Variants in LRRC4C observed in about 807,000 individuals in gnomAD.
LRRC4C encodes leucine-rich repeat-containing protein 4C.
LRRC4C carries 5 observed loss-of-function variants against 33.6 expected under a neutral mutation model. That is an observed-to-expected ratio of 0.15 (90% CI 0.08 to 0.31). The LOEUF (loss-of-function observed/expected upper bound fraction) is 0.31, where lower values mean the gene tolerates loss of function less well. Ranked by LOEUF, LRRC4C falls within the 10% of genes least tolerant of loss-of-function variation. The pLI is 1.00. For synonymous variants in LRRC4C, 329 were observed against 302.0 expected (o/e 1.09, Z -0.93); for missense variants, 560 against 796.7 (o/e 0.70, Z 3.58).
chr11:40,363,215 A>G (rs1179183443), intron 3 of LRRC4C, among the ~76,000 whole-genome samples: 1 of 152,214 alleles, frequency 6.6e-6, no homozygotes, highest in Non-Finnish European at 1.5e-5. Flanking sequence ...ACTATGGAAT[A>G]CTATGCAGCC....
At chr11:40,983,726 A>C (rs945421833) in intron 1 of LRRC4C, among the ~76,000 whole-genome samples, 2 of 152,204 alleles carry the variant, frequency 1.3e-5, no homozygotes, top group Non-Finnish European at 2.9e-5. Flanking sequence ...TATGTGGCTA[A>C]TAAGTGTATG....
At chr11:41,398,650 C>T (rs1953911845) in intron 1 of LRRC4C, among the ~76,000 whole-genome samples, 1 of 151,754 alleles carries the variant, frequency 6.6e-6, no homozygotes, top group Admixed American at 6.6e-5. Flanking sequence ...TTCCTTGTTG[C>T]TATTATTATG....
At chr11:41,092,150 G>A (rs947866704) in intron 1 of LRRC4C, among the ~76,000 whole-genome samples, 1 of 152,010 alleles carries the variant, frequency 6.6e-6, no homozygotes, top group Non-Finnish European at 1.5e-5. Context: ...AGAAATGTTT[G>A]AATATTGCCA....
intron 1 of LRRC4C, among the ~76,000 whole-genome samples, chr11:41,283,244 C>CATT (rs1328102822): frequency 6.6e-6 from 1 of 152,070 alleles, no homozygotes; most frequent in Non-Finnish European, 1.5e-5. Context: ...GAAATATCCG[C>CATT]TTAGAAAATA....
intron 3 of LRRC4C, among the ~76,000 whole-genome samples, chr11:40,497,903 C>T (rs1316336910): frequency 6.6e-6 from 1 of 152,148 alleles, no homozygotes; most frequent in Non-Finnish European, 1.5e-5. Context: ...TAAAAAATCT[C>T]TAAAAAATAA....
intron 5 of LRRC4C, among the ~76,000 whole-genome samples, chr11:40,224,366 A>G (rs929503343): frequency 2.0e-5 from 3 of 152,214 alleles, no homozygotes; most frequent in African/African-American, 7.2e-5. Flanking sequence ...ATCTATCTGT[A>G]TATGCCCCAA....
intron 1 of LRRC4C, among the ~76,000 whole-genome samples, chr11:41,248,361 T>C (rs1457453043): frequency 3.9e-5 from 6 of 152,198 alleles, no homozygotes; most frequent in Admixed American, 2.6e-4. Flanking sequence ...CAAAGGATTC[T>C]TGATGAATCA....
At chr11:41,041,191 G>T (rs1012250339) in intron 1 of LRRC4C, among the ~76,000 whole-genome samples, 3 of 152,052 alleles carry the variant, frequency 2.0e-5, no homozygotes, top group Non-Finnish European at 4.4e-5. Flanking sequence ...TTCCACAACT[G>T]CAAACTATTA....
chr11:41,415,172 A>C (rs745789048), intron 1 of LRRC4C, among the ~76,000 whole-genome samples: 1 of 152,288 alleles, frequency 6.6e-6, no homozygotes, highest in Non-Finnish European at 1.5e-5. Flanking sequence ...TGGGTTTAGA[A>C]GTATTTAAGG....
At position 40,827,896 on chromosome 11, in the gene LRRC4C, G is replaced by T. The variant is rs117359271; in HGVS notation, c.-407+105739C>A. ...TAAGATATATCACCTCACTGAGAAA[G>T]AGGCATGATCTTTTCTAGAAAAGAC... On this transcript the variant is annotated intron_variant, in intron 2 of 6. Coordinates refer to ENST00000528697, the MANE Select transcript of LRRC4C (RefSeq NM_001258419.2). Among the ~76,000 whole-genome samples the T allele has an allele frequency of 4.0e-5, 6 of 151,834 alleles. No individual in the cohort carries two copies. The East Asian group carries it at 7.7e-4, about 20-fold the overall frequency.
chr11:40,989,733 G>A (rs911713113), intron 1 of LRRC4C, among the ~76,000 whole-genome samples: 1 of 152,032 alleles, frequency 6.6e-6, no homozygotes, highest in East Asian at 1.9e-4. Flanking sequence ...TATAAGTTTT[G>A]CAGTGGTAGT....
At chr11:40,489,279 G>T (rs146023064) in intron 3 of LRRC4C, among the ~76,000 whole-genome samples, 196 of 152,108 alleles carry the variant, frequency 1.3e-3, no homozygotes, top group African/African-American at 4.5e-3. Flanking sequence ...TTATCTTTAT[G>T]TAAGTCACTC....
chr11:40,785,724 C>G (rs1950386042), intron 2 of LRRC4C, among the ~76,000 whole-genome samples: 1 of 152,112 alleles, frequency 6.6e-6, no homozygotes, highest in Admixed American at 6.5e-5. Flanking sequence ...TCTGGGGAAA[C>G]AGCTTCAAAT....
intron 1 of LRRC4C, among the ~76,000 whole-genome samples, chr11:41,020,525 A>T (rs1855884656): frequency 6.6e-6 from 1 of 152,148 alleles, no homozygotes; most frequent in African/African-American, 2.4e-5. Flanking sequence ...AGAAACAGAC[A>T]TGCAGAGGGA....
chr11:40,148,946 C>T (rs1857967766), intron 5 of LRRC4C, among the ~76,000 whole-genome samples: 1 of 152,142 alleles, frequency 6.6e-6, no homozygotes, highest in Non-Finnish European at 1.5e-5. Context: ...GAGTCCTTTC[C>T]ACATTGCTTG....
chr11:41,175,060 A>G (rs1010119011), intron 1 of LRRC4C, among the ~76,000 whole-genome samples: 4 of 151,958 alleles, frequency 2.6e-5, no homozygotes, highest in African/African-American at 9.7e-5. Flanking sequence ...GATCAAATAC[A>G]TTTTGAATCT....
intron 2 of LRRC4C, among the ~76,000 whole-genome samples, chr11:40,714,978 G>T (rs1165008933): frequency 6.6e-6 from 1 of 152,130 alleles, no homozygotes; most frequent in Non-Finnish European, 1.5e-5. Context: ...ACTGTTTAGA[G>T]GACACTATAA....
chr11:40,343,536 T>C (rs1261545443), intron 3 of LRRC4C, among the ~76,000 whole-genome samples: 3 of 151,958 alleles, frequency 2.0e-5, no homozygotes. Context: ...CAGACCCTGG[T>C]GTCCATTGTT....
At chr11:40,584,558 A>T (rs1275999421) in intron 3 of LRRC4C, among the ~76,000 whole-genome samples, 1 of 152,104 alleles carries the variant, frequency 6.6e-6, no homozygotes, top group East Asian at 1.9e-4. Flanking sequence ...ATGGAAAAAC[A>T]ATTTGTCATC....
Sources: allele counts gnomAD v4.1 joint callset (sites outside exome capture counted in the v4.1 genomes callset), GRCh38; gene constraint gnomAD v4.1.1; transcripts MANE v1.5; gene names NCBI Gene and HGNC (gene_info 2026-07-23, HGNC 2026-07-21).